The following RPSA2 variants were observed in gnomAD, a reference collection of about 807,000 sequenced individuals.
RPSA2 encodes small ribosomal subunit protein uS2B.
chr19:23,827,108 G>T, the RPSA2 span: 3 of 751,734 alleles, frequency 4.0e-6, no homozygotes, highest in South Asian at 1.5e-5. Context: ...CTGCAGAGGG[G>T]TCCATACGGC....
chr19:23,761,903 T>TTC, the RPSA2 span, among the ~76,000 whole-genome samples: 8 of 35,632 alleles, frequency 2.2e-4, 1 homozygote, highest in African/African-American at 6.3e-4. Flanking sequence ...GTAACGTAAT[T>TTC]CTTTCTTTCT....
At chr19:23,801,483 C>T in the RPSA2 span, among the ~76,000 whole-genome samples, 1 of 152,158 alleles carries the variant, frequency 6.6e-6, no homozygotes, top group South Asian at 2.1e-4. Flanking sequence ...CTTCGTGATC[C>T]ACTTGCGTCG....
the RPSA2 span, among the ~76,000 whole-genome samples, chr19:23,765,841 C>T: frequency 6.6e-6 from 1 of 152,156 alleles, no homozygotes; most frequent in Admixed American, 6.5e-5. Context: ...GTGTGTATGA[C>T]ACCTATTATG....
chr19:23,811,613 G>C, the RPSA2 span, among the ~76,000 whole-genome samples: 1 of 151,686 alleles, frequency 6.6e-6, no homozygotes, highest in East Asian at 1.9e-4. Flanking sequence ...AGACATTTAG[G>C]GCAATATACT....
chr19:23,853,436 A>G, the RPSA2 span, among the ~76,000 whole-genome samples: 27 of 152,322 alleles, frequency 1.8e-4, no homozygotes, highest in African/African-American at 6.5e-4. Context: ...CTATTCAGAA[A>G]CCAATTGAGT....
At chr19:23,865,128 G>C in the RPSA2 span, among the ~76,000 whole-genome samples, 1 of 152,220 alleles carries the variant, frequency 6.6e-6, no homozygotes, top group Non-Finnish European at 1.5e-5. Flanking sequence ...AAGTGAAATA[G>C]ACAAGATGAA....
At chr19:23,822,229 T>C in the RPSA2 span, among the ~76,000 whole-genome samples, 1 of 152,340 alleles carries the variant, frequency 6.6e-6, no homozygotes, top group South Asian at 2.1e-4. Flanking sequence ...TCTTAGTACC[T>C]TTGCAGGCGC....
chr19:23,800,123 G>C, the RPSA2 span, among the ~76,000 whole-genome samples: 1 of 150,738 alleles, frequency 6.6e-6, no homozygotes, highest in East Asian at 1.9e-4. Flanking sequence ...CTGCCTGTCA[G>C]GTTCAAGTGA....
At chr19:23,838,488 G>T in the RPSA2 span, among the ~76,000 whole-genome samples, 2 of 152,010 alleles carry the variant, frequency 1.3e-5, no homozygotes, top group Non-Finnish European at 2.9e-5. Context: ...GTGTCAAAAG[G>T]TTTGGTACCA....
the RPSA2 span, among the ~76,000 whole-genome samples, chr19:23,813,182 C>T: frequency 7.4e-6 from 1 of 135,368 alleles, no homozygotes; most frequent in African/African-American, 2.8e-5. Context: ...TGCAGTGAGC[C>T]ATAATTGTGC....
the RPSA2 span, among the ~76,000 whole-genome samples, chr19:23,833,796 A>T: frequency 6.6e-6 from 1 of 152,122 alleles, no homozygotes; most frequent in African/African-American, 2.4e-5. Context: ...ACTTTAAAAA[A>T]GCACTACAAA....
chr19:23,780,138 C>T, the RPSA2 span, among the ~76,000 whole-genome samples: 2 of 152,142 alleles, frequency 1.3e-5, no homozygotes, highest in Admixed American at 6.5e-5. Context: ...TCCCAGGTCT[C>T]CTCTCTGTAT....
chr19:23,846,036 A>G, the RPSA2 span, among the ~76,000 whole-genome samples: 3 of 152,214 alleles, frequency 2.0e-5, no homozygotes, highest in East Asian at 5.8e-4. Flanking sequence ...TTATTGTGTT[A>G]CCTATAGAGA....
At chr19:23,852,233 C>A in the RPSA2 span, among the ~76,000 whole-genome samples, 3 of 152,170 alleles carry the variant, frequency 2.0e-5, no homozygotes, top group Non-Finnish European at 2.9e-5. Flanking sequence ...GCATAGAAAA[C>A]AAGTTAGCAC....
the RPSA2 span, among the ~76,000 whole-genome samples, chr19:23,858,805 C>T: frequency 6.6e-6 from 1 of 152,156 alleles, no homozygotes; most frequent in Non-Finnish European, 1.5e-5. Context: ...GCTCCGTTTG[C>T]ATAATAGAAG....
chr19:23,867,228 C>T, the RPSA2 span, among the ~76,000 whole-genome samples: 2 of 152,158 alleles, frequency 1.3e-5, no homozygotes, highest in South Asian at 4.1e-4. Flanking sequence ...CCCATCCTGG[C>T]CCCTCAGACT....
At chr19:23,781,883 A>G in the RPSA2 span, among the ~76,000 whole-genome samples, 1 of 152,168 alleles carries the variant, frequency 6.6e-6, no homozygotes, top group Non-Finnish European at 1.5e-5. Context: ...ACAGTGCTGT[A>G]TCACTGGACC....
At chr19:23,816,003 T>TTC in the RPSA2 span, among the ~76,000 whole-genome samples, 5 of 151,984 alleles carry the variant, frequency 3.3e-5, no homozygotes, top group South Asian at 1.0e-3. Context: ...TTGTTTTTTT[T>TTC]TTCGCTCTGT....
At chr19:23,827,157 T>C in the RPSA2 span, 4 of 843,980 alleles carry the variant, frequency 4.7e-6, no homozygotes, top group Non-Finnish European at 5.8e-6. Flanking sequence ...AGGGAAACTT[T>C]CACAATGTCC....
Sources: allele counts gnomAD v4.1 joint callset (sites outside exome capture counted in the v4.1 genomes callset), GRCh38; gene constraint gnomAD v4.1.1; transcripts MANE v1.5; gene names NCBI Gene and HGNC (gene_info 2026-07-23, HGNC 2026-07-21).